The following CGREF1 variants were observed in gnomAD, a reference collection of about 807,000 sequenced individuals.
CGREF1 encodes the protein cell growth regulator with EF hand domain protein 1.
CGREF1 carries 16 observed loss-of-function variants against 17.4 expected under a neutral mutation model. The ratio of observed to expected loss-of-function variants is 0.92; its 90% CI spans 0.62 to 1.40. The LOEUF (loss-of-function observed/expected upper bound fraction) is 1.40. CGREF1 is among the 40% of genes most tolerant of loss of function. The pLI is 0.00. For missense variants in CGREF1, 296 were observed against 376.4 expected (o/e 0.79, Z 1.77); for synonymous variants, 142 against 154.6 (o/e 0.92, Z 0.61).
At chr2:27,108,697 T>TCAA (rs58363656) in intron 1 of CGREF1, among the ~76,000 whole-genome samples, 147,593 of 152,308 alleles carry the variant, frequency 0.97, 71,687 homozygotes, top group East Asian at 1. Flanking sequence ...TTTCTTGACA[T>TCAA]CAATGATGCC....
chr2:27,113,371 A>G (rs1305438197), intron 1 of CGREF1, among the ~76,000 whole-genome samples: 1 of 152,160 alleles, frequency 6.6e-6, no homozygotes, highest in African/African-American at 2.4e-5. Flanking sequence ...GTTAGATATA[A>G]GTTTGTACAA....
Position 27,101,764 on chromosome 2 carries a change from A to AG in CGREF1, c.466dup (p.Leu156ProfsTer19). On this transcript the variant is annotated frameshift_variant, in exon 6 of 6. Transcript: ENST00000402394. LOFTEE classifies it low-confidence loss of function (END_TRUNC). ...TTGTGGCTCCTGAGGAGATGGAGCA[A>AG]GGGGCTCTCCGGGCTCCACGTGCCT... 6.2e-7 allele frequency: 1 copy of AG among 1,614,204 alleles called. No individual in the cohort carries two copies. The highest frequency in any genetic ancestry group is 8.5e-7 in the Non-Finnish European group (1 of 1,180,028).
intron 2 of CGREF1, chr2:27,103,010 C>T (rs1297786455): frequency 2.0e-6 from 2 of 985,198 alleles, no homozygotes; most frequent in African/African-American, 1.7e-5. Context: ...TTTATATAGA[C>T]CCAGTTTGCT....
At chr2:27,099,584 A>G, downstream of CGREF1, 2 of 1,614,116 alleles carry the variant, frequency 1.2e-6, no homozygotes, top group Non-Finnish European at 1.7e-6. Context: ...CAGGGTGAGT[A>G]TGGCAGCAGG....
At chr2:27,114,841 G>A (rs1226274689) in intron 1 of CGREF1, among the ~76,000 whole-genome samples, 2 of 152,194 alleles carry the variant, frequency 1.3e-5, no homozygotes, top group Admixed American at 6.5e-5. Context: ...ACTGAATGCA[G>A]TAGAAATGTG....
chr2:27,113,233 A>G (rs1439424823), intron 1 of CGREF1, among the ~76,000 whole-genome samples: 1 of 152,124 alleles, frequency 6.6e-6, no homozygotes, highest in Non-Finnish European at 1.5e-5. Flanking sequence ...TGGCTGAGAG[A>G]GCCAGTTGAC....
At position 27,117,607 on chromosome 2, in the gene CGREF1, C is replaced by T. The variant is rs185831540; in HGVS notation, c.-12+1239G>A. On this transcript the variant is annotated intron_variant, in intron 1 of 5. Coordinates refer to ENST00000402394, the MANE Select transcript of CGREF1 (RefSeq NM_006569.6). Reference sequence around the variant, plus strand: ...TGCACCAGTGCATGGGAGGAGAGCACGCTCTACAGGTTAGACTTCTGATCA... The same window carrying T: ...TGCACCAGTGCATGGGAGGAGAGCATGCTCTACAGGTTAGACTTCTGATCA... 3.3e-3 allele frequency among the ~76,000 whole-genome samples: 498 copies of T among 152,314 alleles called. 3 individuals carry two copies. The highest frequency in any genetic ancestry group is 5.8e-3 in the Non-Finnish European group (392 of 68,036).
At chr2:27,117,705 ATT>A (rs35908937) in intron 1 of CGREF1, among the ~76,000 whole-genome samples, 25,142 of 122,608 alleles carry the variant, frequency 0.21, 2,180 homozygotes, top group African/African-American at 0.32. Flanking sequence ...TGGGATCTGA[ATT>A]TTTTTTTTTT....
intron 1 of CGREF1, among the ~76,000 whole-genome samples, chr2:27,113,690 G>A (rs769972645): frequency 1.5e-4 from 23 of 152,126 alleles, no homozygotes; most frequent in African/African-American, 5.1e-4. Context: ...TCTGTAATGC[G>A]GGGCTGACGA....
intron 2 of CGREF1, chr2:27,103,136 C>G: frequency 1.0e-6 from 1 of 984,862 alleles, no homozygotes; most frequent in South Asian, 4.7e-5. Context: ...TGTGCTCCCA[C>G]TTCTGGACTG....
intron 1 of CGREF1, among the ~76,000 whole-genome samples, chr2:27,116,869 T>TATTCTC (rs1412859911): frequency 4.7e-4 from 26 of 54,832 alleles, no homozygotes; most frequent in Non-Finnish European, 2.8e-4. Flanking sequence ...AGGCCAGGCC[T>TATTCTC]ATTCTCTCTC....
At chr2:27,100,505 T>C, downstream of CGREF1, 1 of 1,291,020 alleles carries the variant, frequency 7.7e-7, no homozygotes, top group East Asian at 5.5e-5. Flanking sequence ...GAACACATAT[T>C]GGAATTGGGG....
At chr2:27,104,718 C>T in intron 1 of CGREF1, 1 of 1,535,502 alleles carries the variant, frequency 6.5e-7, no homozygotes, top group Non-Finnish European at 8.8e-7. Context: ...ATCTGACCTC[C>T]TTCAGCCCAT....
rs572937621 is a variant in CGREF1, at chr2:27,109,146, G to T, written c.-11-4769C>A. ...GCACTTTGGGAAGCTGAGGTGGAAG[G>T]ATCTCCTGAGCCCAGGAGTTCAAGA... On this transcript the variant is annotated intron_variant, in intron 1 of 5. Coordinates refer to ENST00000402394, the MANE Select transcript of CGREF1 (RefSeq NM_006569.6). Among the ~76,000 whole-genome samples, 155 of 152,186 alleles carry T rather than the reference G, an allele frequency of 1.0e-3. 1 individual carries two copies. The highest frequency in any genetic ancestry group is 3.4e-3 in the African/African-American group (143 of 41,528).
chr2:27,100,526 T>C (rs769571556), downstream of CGREF1: 48 of 1,290,748 alleles, frequency 3.7e-5, no homozygotes, highest in African/African-American at 6.2e-4. Flanking sequence ...CCAACTCCAA[T>C]ATAGGGTGGG....
downstream of CGREF1, chr2:27,100,111 G>A (rs756562153): frequency 1.4e-5 from 8 of 565,454 alleles, no homozygotes; most frequent in African/African-American, 3.8e-5. Context: ...AGAGCAGCGA[G>A]AAGTGCCCTG....
rs61750980 is a variant in CGREF1 at position 27,101,862 on chromosome 2, G to C, written c.369C>G (p.Leu123=). 5 of 1,613,042 alleles carry C rather than the reference G, an allele frequency of 3.1e-6. No individual in the cohort carries two copies. Among genetic ancestry groups the C allele is most frequent in the Middle Eastern group, 1.6e-4 (1 of 6,084 alleles). The change falls in exon 6 of 6, where the codon CTC becomes CTG. Residue 123 remains leucine (L), a synonymous_variant. Coordinates refer to ENST00000402394, the MANE Select transcript of CGREF1 (RefSeq NM_006569.6). ...NPVILIVDKV[L]ETQDLNGDGL... ...CATCCCCATTCAGGTCCTGGGTCTC[G>C]AGCACTTTGTCCACTATCAAGATCA... is the stretch of plus-strand genomic sequence containing the variant.
intron 1 of CGREF1, among the ~76,000 whole-genome samples, chr2:27,116,013 G>A (rs1671551605): frequency 6.6e-6 from 1 of 151,212 alleles, no homozygotes. Context: ...AGGAGTTCGA[G>A]ACCAGCCTGG....
In CGREF1 at chr2:27,101,284, T is replaced by C; in HGVS notation, c.947A>G (p.Asp316Gly). The C allele has an allele frequency of 6.4e-7, 1 of 1,556,164 alleles. No homozygotes were observed. The highest frequency in any genetic ancestry group is 8.7e-7 in the Non-Finnish European group (1 of 1,150,536). ...CTGTATCTTCAAGATCTAGATCTCA[T>C]CATTCTCCACTTGAACAATGTGCAC... ...FEVHIVQVEN[D>G]EI Residue 316 changes from aspartate to glycine, a missense_variant, in exon 6 of 6, where the codon GAT becomes GGT. By Grantham distance (94) the Asp-to-Gly change is moderately conservative (BLOSUM62 -1). This residue lies in a region of CGREF1 where 40 missense variants were observed against 40.8 expected (regional missense o/e 0.98). Coordinates refer to ENST00000402394, the MANE Select transcript of CGREF1 (RefSeq NM_006569.6).
Sources: gnomAD v4.1 joint callset for allele counts (sites outside exome capture counted in the v4.1 genomes callset) on GRCh38, gnomAD v4.1.1 for gene constraint, gnomAD v4.1.1 regional missense constraint, MANE v1.5 for transcripts, NCBI Gene and HGNC (gene_info 2026-07-23, HGNC 2026-07-21) for gene names.